The following GUCY2C variants were observed in gnomAD, a reference collection of about 807,000 sequenced individuals.
GUCY2C encodes the protein guanylate cyclase 2C.
GUCY2C carries 118 observed loss-of-function variants against 131.1 expected under a neutral mutation model. That is an observed-to-expected ratio of 0.90 (90% CI 0.78 to 1.05). The LOEUF (loss-of-function observed/expected upper bound fraction) is 1.05, where lower values mean the gene tolerates loss of function less well. Among genes scored for constraint, GUCY2C ranks in the 50% least tolerant of loss-of-function variants. The pLI is 0.00. For synonymous variants in GUCY2C, 452 were observed against 457.8 expected, an observed-to-expected ratio of 0.99 and a Z score of 0.16; for missense variants, 1,161 against 1,304.4, an observed-to-expected ratio of 0.89 and a Z score of 1.69.
chr12:14,681,312 A>G, intron 5 of GUCY2C, 44 bp downstream of exon 5: 3 of 1,582,308 alleles, frequency 1.9e-6, no homozygotes, highest in Non-Finnish European at 2.6e-6. Context: ...TGGTAGTCAT[A>G]AAGAAGAAGT....
intron 19 of GUCY2C, among the ~76,000 whole-genome samples, chr12:14,633,326 A>G (rs1029608495): frequency 6.6e-6 from 1 of 152,214 alleles, no homozygotes; most frequent in African/African-American, 2.4e-5. Context: ...TGAGTAAATT[A>G]TGTAGAGACT....
At chr12:14,635,128 C>G (rs1360096782) in intron 19 of GUCY2C, among the ~76,000 whole-genome samples, 1 of 152,162 alleles carries the variant, frequency 6.6e-6, no homozygotes, top group Non-Finnish European at 1.5e-5. Flanking sequence ...CTAACATTTA[C>G]AGAACATTTC....
rs1349921916 is a variant in GUCY2C, at chr12:14,674,712, C to G, written c.997G>C (p.Gly333Arg). 1.6e-5 allele frequency: 25 copies of G among 1,611,440 alleles called. No individual in the cohort carries two copies. The highest frequency in any genetic ancestry group is 2.0e-5 in the Non-Finnish European group (23 of 1,177,890). Residue 333 changes from glycine (G) to arginine (R), a missense_variant, in exon 8 of 27, where the codon GGA becomes CGA. By Grantham distance (125) the Gly-to-Arg change is moderately radical. Coordinates refer to ENST00000261170, the MANE Select transcript of GUCY2C (RefSeq NM_004963.4). ...TCAAGAAATATCTTCAGCATATGTC[C>G]AAAGAGCAGGATTCCATTCAAATAG... ...LAYLNGILLF[G>R]HMLKIFLENG...
chr12:14,639,236 T>C (rs1379492044), intron 19 of GUCY2C, among the ~76,000 whole-genome samples: 2 of 145,200 alleles, frequency 1.4e-5, no homozygotes, highest in Non-Finnish European at 3.0e-5. Context: ...AGGCCGGAGT[T>C]GCAGTGAGCC....
chr12:14,664,704 C>A (rs1435261899), intron 10 of GUCY2C, among the ~76,000 whole-genome samples: 1 of 152,062 alleles, frequency 6.6e-6, no homozygotes, highest in Admixed American at 6.6e-5. Context: ...TATGATATTA[C>A]GGTTGGAAGG....
intron 20 of GUCY2C, among the ~76,000 whole-genome samples, chr12:14,628,229 A>G (rs1947063471): frequency 6.6e-6 from 1 of 152,152 alleles, no homozygotes; most frequent in South Asian, 2.1e-4. Context: ...ACATGTCTTA[A>G]GTACCTAGGG....
chr12:14,615,219 A>G (rs1347913709), intron 25 of GUCY2C, among the ~76,000 whole-genome samples: 2 of 152,156 alleles, frequency 1.3e-5, no homozygotes, highest in Non-Finnish European at 2.9e-5. Context: ...ACATTTTAAA[A>G]TATCACTCTA....
At chr12:14,633,233 C>G (rs1359039608) in intron 19 of GUCY2C, among the ~76,000 whole-genome samples, 1 of 152,232 alleles carries the variant, frequency 6.6e-6, no homozygotes, top group Non-Finnish European at 1.5e-5. Flanking sequence ...ACCTGGCATT[C>G]CAGTCTTCAA....
At chr12:14,680,327 T>G (rs1367638337) in intron 5 of GUCY2C, among the ~76,000 whole-genome samples, 2 of 152,102 alleles carry the variant, frequency 1.3e-5, no homozygotes, top group Non-Finnish European at 2.9e-5. Context: ...CTGAATGCAG[T>G]TTTATGAGTG....
intron 23 of GUCY2C, among the ~76,000 whole-genome samples, chr12:14,620,830 G>A (rs887531262): frequency 6.6e-6 from 1 of 152,180 alleles, no homozygotes; most frequent in African/African-American, 2.4e-5. Flanking sequence ...TCAGCAGTCA[G>A]TGGTGCCCTC....
intron 19 of GUCY2C, 128 bp from the exon 20 acceptor site, chr12:14,628,865 G>C (rs1044829590): frequency 1.6e-6 from 1 of 635,508 alleles, no homozygotes; most frequent in South Asian, 1.8e-5. Flanking sequence ...ACTCAGTGCG[G>C]ACAAGAGATC....
At chr12:14,618,399 G>A (rs550014473) in intron 24 of GUCY2C, among the ~76,000 whole-genome samples, 1 of 152,270 alleles carries the variant, frequency 6.6e-6, no homozygotes, top group Non-Finnish European at 1.5e-5. Context: ...TGTAGTCCCA[G>A]CTACTTAGGA....
intron 11 of GUCY2C, among the ~76,000 whole-genome samples, chr12:14,657,752 C>T (rs183725205): frequency 6.6e-6 from 1 of 152,090 alleles, no homozygotes; most frequent in Non-Finnish European, 1.5e-5. Context: ...CATCTCAAAA[C>T]TCTCCCCACC....
At position 14,683,119 on chromosome 12, in the gene GUCY2C, G is replaced by T; in HGVS notation, c.534C>A (p.Asn178Lys). The T allele has an allele frequency of 6.2e-7, 1 of 1,613,364 alleles. No homozygotes were observed. The highest frequency in any genetic ancestry group is 8.5e-7 in the Non-Finnish European group (1 of 1,179,370). The change falls in exon 4 of 27, where the codon AAC becomes AAA. Residue 178 changes from asparagine (N) to lysine (K), a missense_variant. Asn to Lys is a moderately conservative substitution (Grantham distance 94, BLOSUM62 0). Transcript: ENST00000261170. ...AGGAATAAGTTTTGAAGGGCAGATCGTTGGTTTTCCAAAAGTTAACCAAGA... is the reference window on the plus strand; with the variant it reads ...AGGAATAAGTTTTGAAGGGCAGATCTTTGGTTTTCCAAAAGTTAACCAAGA... ...MYFLVNFWKT[N>K]DLPFKTYSWS...
At chr12:14,637,572 A>T (rs560605925) in intron 19 of GUCY2C, among the ~76,000 whole-genome samples, 1 of 152,342 alleles carries the variant, frequency 6.6e-6, no homozygotes, top group Admixed American at 6.5e-5. Flanking sequence ...ACAACCTGTT[A>T]CTGGCACAGG....
At chr12:14,690,701 C>T (rs1948558542) in intron 1 of GUCY2C, among the ~76,000 whole-genome samples, 1 of 152,210 alleles carries the variant, frequency 6.6e-6, no homozygotes, top group Non-Finnish European at 1.5e-5. Context: ...ACCACCACAC[C>T]CGGCTAATTT....
In GUCY2C at chr12:14,651,342, A is replaced by G. The variant is rs1947654828; in HGVS notation, c.1710+65T>C. 4 of 819,972 alleles carry G rather than the reference A, an allele frequency of 4.9e-6. No homozygotes were observed. The Admixed American group carries it at 8.4e-5, about 17-fold the overall frequency. The allele number at this position is 819,972 out of a possible 1,614,324, so 50.8% of individuals were successfully genotyped here. ...TCTAATATTATTTTACTCGGTAAAT[A>G]TTTTAAAAGGCCTGCTGAATATTTT... On this transcript the variant is annotated intron_variant, in intron 15 of 26. Transcript: ENST00000261170.
chr12:14,633,586 A>G (rs564969856), intron 19 of GUCY2C, among the ~76,000 whole-genome samples: 5 of 152,118 alleles, frequency 3.3e-5, no homozygotes, highest in Non-Finnish European at 7.4e-5. Context: ...AATTAATAAA[A>G]TTCTGGAAAA....
At chr12:14,621,960 G>T (rs957357848) in intron 22 of GUCY2C, 45 bp downstream of exon 22, 1 of 1,360,736 alleles carries the variant, frequency 7.3e-7, no homozygotes, top group Non-Finnish European at 1.0e-6. Flanking sequence ...TGATGACCTT[G>T]AGTTGTACAA....
Sources: gnomAD v4.1 joint callset for allele counts (sites outside exome capture counted in the v4.1 genomes callset) on GRCh38, gnomAD v4.1.1 for gene constraint, MANE v1.5 for transcripts, NCBI Gene and HGNC (gene_info 2026-07-23, HGNC 2026-07-21) for gene names.